FHIT: variants seen among roughly 807,000 people sequenced by gnomAD.
FHIT encodes fragile histidine triad diadenosine triphosphatase.
FHIT carries 19 observed loss-of-function variants against 17.9 expected under a neutral mutation model. The observed-to-expected ratio is 1.06, with a 90% CI of 0.74 to 1.56. The LOEUF is 1.56. Among genes scored for constraint, FHIT ranks in the 40% most tolerant of loss-of-function variants. FHIT has a pLI of 0.00. For missense variants in FHIT, 248 were observed against 189.2 expected, an observed-to-expected ratio of 1.31 and a Z score of -1.82; for synonymous variants, 81 against 69.7, an observed-to-expected ratio of 1.16 and a Z score of -0.81.
At chr3:59,948,085 C>T (rs1706914420) in intron 7 of FHIT, among the ~76,000 whole-genome samples, 1 of 152,132 alleles carries the variant, frequency 6.6e-6, no homozygotes, top group South Asian at 2.1e-4. Flanking sequence ...TTTTCAGCTA[C>T]TATAAACTAC....
chr3:60,440,030 A>T (rs919099868), intron 5 of FHIT, among the ~76,000 whole-genome samples: 1 of 152,046 alleles, frequency 6.6e-6, no homozygotes, highest in Non-Finnish European at 1.5e-5. Flanking sequence ...GGTCATCCTC[A>T]GTCACAGTCT....
intron 9 of FHIT, 172 bp downstream of exon 9, chr3:59,752,049 T>C (rs1249046270): frequency 1.4e-5 from 7 of 499,760 alleles, no homozygotes; most frequent in Non-Finnish European, 2.1e-5. Flanking sequence ...ACTGGGAGGC[T>C]GGGAATACAG....
chr3:60,330,793 T>C (rs937453937), intron 5 of FHIT, among the ~76,000 whole-genome samples: 2 of 152,188 alleles, frequency 1.3e-5, no homozygotes, highest in African/African-American at 2.4e-5. Flanking sequence ...CGTGTTACAA[T>C]TACATCTTGT....
intron 4 of FHIT, among the ~76,000 whole-genome samples, chr3:60,747,419 G>T (rs3920477): frequency 0.53 from 80,856 of 151,786 alleles, 22,046 homozygotes; most frequent in African/African-American, 0.65. Flanking sequence ...AGGCTAAGAC[G>T]TTATCATGTT....
At chr3:60,180,113 G>C (rs1453707870) in intron 5 of FHIT, among the ~76,000 whole-genome samples, 1 of 152,118 alleles carries the variant, frequency 6.6e-6, no homozygotes, top group Non-Finnish European at 1.5e-5. Flanking sequence ...GTGGTGTTTA[G>C]GCCACCAAAA....
chr3:59,816,949 A>G (rs1700620021), intron 8 of FHIT, among the ~76,000 whole-genome samples: 1 of 152,184 alleles, frequency 6.6e-6, no homozygotes, highest in African/African-American at 2.4e-5. Flanking sequence ...CTTGAATAGC[A>G]TCTTGATCTA....
At chr3:60,908,243 T>C (rs1315422845) in intron 3 of FHIT, among the ~76,000 whole-genome samples, 1 of 152,088 alleles carries the variant, frequency 6.6e-6, no homozygotes, top group Admixed American at 6.5e-5. Flanking sequence ...AAACACAGCA[T>C]CCAAAAATAG....
chr3:59,927,892 G>A (rs1705752651), intron 7 of FHIT, among the ~76,000 whole-genome samples: 1 of 152,224 alleles, frequency 6.6e-6, no homozygotes, highest in South Asian at 2.1e-4. Flanking sequence ...CTTCTGCGCT[G>A]TCTCTGCTCC....
chr3:59,947,816 G>A (rs570014729), intron 7 of FHIT, among the ~76,000 whole-genome samples: 3 of 152,164 alleles, frequency 2.0e-5, no homozygotes, highest in African/African-American at 7.2e-5. Flanking sequence ...ATGCTTACTA[G>A]CATGTGCTGG....
intron 5 of FHIT, among the ~76,000 whole-genome samples, chr3:60,019,415 C>CTTTTTTTTTTTTTTTTT (rs1281567026): frequency 2.2e-4 from 27 of 121,074 alleles, no homozygotes; most frequent in East Asian, 8.2e-4. Flanking sequence ...TGAGATGCTC[C>CTTTTTTTTTTTTTTTTT]TTTTTTTTTT....
At chr3:60,394,892 T>C (rs1262530908) in intron 5 of FHIT, among the ~76,000 whole-genome samples, 1 of 151,942 alleles carries the variant, frequency 6.6e-6, no homozygotes, top group Non-Finnish European at 1.5e-5. Context: ...TAGAAGTAAA[T>C]ACATGACAAA....
intron 5 of FHIT, among the ~76,000 whole-genome samples, chr3:60,345,655 G>C (rs1453127555): frequency 6.6e-6 from 1 of 152,162 alleles, no homozygotes; most frequent in African/African-American, 2.4e-5. Flanking sequence ...TCTCAAGATA[G>C]AAACACCATC....
At chr3:60,242,662 G>A (rs1482226523) in intron 5 of FHIT, among the ~76,000 whole-genome samples, 1 of 151,926 alleles carries the variant, frequency 6.6e-6, no homozygotes, top group Non-Finnish European at 1.5e-5. Flanking sequence ...TTTTAGCTGA[G>A]CACAGGGATC....
intron 8 of FHIT, among the ~76,000 whole-genome samples, chr3:59,868,059 A>AAC (rs1702739318): frequency 6.6e-6 from 1 of 151,044 alleles, no homozygotes; most frequent in Non-Finnish European, 1.5e-5. Context: ...AAAAAAAAAA[A>AAC]AAAAAAACCT....
intron 3 of FHIT, among the ~76,000 whole-genome samples, chr3:61,019,466 C>G (rs1351498250): frequency 6.6e-6 from 1 of 152,134 alleles, no homozygotes; most frequent in Non-Finnish European, 1.5e-5. Context: ...TAAGCCCAAT[C>G]ATTAAGTATA....
chr3:60,699,380 T>C (rs74967131), intron 4 of FHIT, among the ~76,000 whole-genome samples: 1 of 152,296 alleles, frequency 6.6e-6, no homozygotes, highest in African/African-American at 2.4e-5. Flanking sequence ...CTCTACTGTA[T>C]AATACTGAGA....
chr3:60,000,755 C>CT (rs1367201633), intron 7 of FHIT, among the ~76,000 whole-genome samples: 1 of 152,094 alleles, frequency 6.6e-6, no homozygotes, highest in Non-Finnish European at 1.5e-5. Flanking sequence ...GAAATACACT[C>CT]TGAGTATCAT....
intron 8 of FHIT, among the ~76,000 whole-genome samples, chr3:59,881,855 T>C (rs1703423662): frequency 6.6e-6 from 1 of 152,196 alleles, no homozygotes; most frequent in Admixed American, 6.5e-5. Flanking sequence ...GATAAACCTG[T>C]CCCCATATCA....
At chr3:59,922,673 T>C (rs531303622) in intron 7 of FHIT, among the ~76,000 whole-genome samples, 9 of 152,282 alleles carry the variant, frequency 5.9e-5, no homozygotes, top group African/African-American at 2.2e-4. Context: ...TGTGGAATTA[T>C]TCATGGTTGT....
Sources: gnomAD v4.1 joint callset for allele counts (sites outside exome capture counted in the v4.1 genomes callset) on GRCh38, gnomAD v4.1.1 for gene constraint, MANE v1.5 for transcripts, NCBI Gene and HGNC (gene_info 2026-07-23, HGNC 2026-07-21) for gene names.